The following CFAP46 variants were observed in gnomAD, a reference collection of about 807,000 sequenced individuals.
The protein encoded by CFAP46 is cilia and flagella associated protein 46, also known as cilia- and flagella-associated protein 46.
A neutral mutation model predicts 325.7 loss-of-function variants in CFAP46; 245 were observed. The observed-to-expected ratio is 0.75, with a 90% CI of 0.68 to 0.84. CFAP46 has a LOEUF of 0.84. Among genes scored for constraint, CFAP46 ranks in the 40% least tolerant of loss-of-function variants. CFAP46 has a pLI of 0.00. For missense variants in CFAP46, 3,346 were observed against 3,543.0 expected, an observed-to-expected ratio of 0.94 and a Z score of 1.41; for synonymous variants, 1,523 against 1,495.9, an observed-to-expected ratio of 1.02 and a Z score of -0.42.
chr10:132,847,422 A>G lies in CFAP46; in HGVS notation c.5953-101T>C. On this transcript the variant is annotated intron_variant, in intron 41 of 57. Transcript: ENST00000368586. This position sits in a 1 kb window ranked among gnomAD's most constrained non-coding sequence, Gnocchi z 5.2. Reference sequence around the variant, plus strand: ...GGCCGGGGTGGTCGGGCTCCTCAGCAGGGTCCCCGGGTAGGGGGTACCGCA... The same window carrying G: ...GGCCGGGGTGGTCGGGCTCCTCAGCGGGGTCCCCGGGTAGGGGGTACCGCA... 1 of 1,450,294 alleles carries G rather than the reference A, an allele frequency of 6.9e-7. No homozygotes were observed. Among genetic ancestry groups the G allele is most frequent in the Non-Finnish European group, 9.5e-7 (1 of 1,053,658 alleles). 89.8% of individuals were successfully genotyped at this position (1,450,294 alleles called of 1,614,324 possible).
chr10:132,935,828 T>C (rs1849992376), intron 7 of CFAP46, among the ~76,000 whole-genome samples: 1 of 92,178 alleles, frequency 1.1e-5, no homozygotes, highest in Non-Finnish European at 2.2e-5. Context: ...CTCACTCCCC[T>C]CGGCACCCAA....
In CFAP46 at chr10:132,939,170, T is replaced by C. The variant is rs889051084; in HGVS notation, c.372-417A>G. Among the ~76,000 whole-genome samples, 2 of 152,204 alleles carry C rather than the reference T, an allele frequency of 1.3e-5. No individual in the cohort carries two copies. Among genetic ancestry groups the C allele is most frequent in the African/African-American group, 2.4e-5 (1 of 41,464 alleles). On this transcript the variant is annotated intron_variant, in intron 4 of 57. Coordinates refer to ENST00000368586, the MANE Select transcript of CFAP46 (RefSeq NM_001200049.3). This position sits in a 1 kb window ranked among gnomAD's most constrained non-coding sequence, Gnocchi z 4.6. ...AAGGACAGAGGGAATCAAGGAAGGC[T>C]TCCTGGAGGAGGTTACATGCCTGCT...
In CFAP46 at chr10:132,879,593, C is replaced by A; in HGVS notation, c.3838G>T (p.Val1280Leu). ...VAVEMPPRSP[V>L]SEAEEAVSLE... ...GACACCGCCTCCTCGGCCTCGGACA[C>A]GGGGCTCCGTGGGGGCATCTCCACA... The change falls in exon 29 of 58, where the codon GTG (valine) becomes TTG (leucine). Residue 1280 changes from valine (V) to leucine (L), a missense_variant. Val to Leu is a conservative substitution (Grantham distance 32, BLOSUM62 1). Transcript: ENST00000368586. 6.5e-7 allele frequency: 1 copy of A among 1,545,178 alleles called. No homozygotes were observed. Among genetic ancestry groups the A allele is most frequent in the Non-Finnish European group, 8.7e-7 (1 of 1,145,068 alleles).
At chr10:132,810,324 G>T in intron 57 of CFAP46, 85 bp downstream of exon 57, 2 of 1,137,184 alleles carry the variant, frequency 1.8e-6, no homozygotes, top group Non-Finnish European at 2.7e-6. Context: ...ACCTGTCCCT[G>T]CAGGGCTGTG....
intron 50 of CFAP46, among the ~76,000 whole-genome samples, chr10:132,821,990 C>T (rs370907754): frequency 0.037 from 3,492 of 95,464 alleles, no homozygotes; most frequent in Non-Finnish European, 0.048. Flanking sequence ...GCTGTGTGTG[C>T]GCTTGTGTGT....
At chr10:132,878,491 C>T (rs1480543485) in intron 29 of CFAP46, among the ~76,000 whole-genome samples, 1 of 152,194 alleles carries the variant, frequency 6.6e-6, no homozygotes, top group Non-Finnish European at 1.5e-5. Flanking sequence ...CCTGCGGGCC[C>T]CTCGCGGCCC....
chr10:132,834,874 T>G, intron 47 of CFAP46, 99 bp from the exon 48 acceptor site: 1 of 1,447,210 alleles, frequency 6.9e-7, no homozygotes, highest in Non-Finnish European at 9.2e-7. Flanking sequence ...CTCCTGCCCC[T>G]TCTGCAAACA....
At chr10:132,850,995 C>G (rs1160241602) in intron 40 of CFAP46, 122 bp downstream of exon 40, 1 of 1,178,156 alleles carries the variant, frequency 8.5e-7, no homozygotes, top group East Asian at 2.4e-5. Flanking sequence ...CAAGAGGTCC[C>G]CAGCTGACCC....
At chr10:132,920,349 G>T (rs892543902) in intron 13 of CFAP46, among the ~76,000 whole-genome samples, 167 bp from the exon 14 acceptor site, 2 of 152,222 alleles carry the variant, frequency 1.3e-5, no homozygotes, top group Non-Finnish European at 2.9e-5. Context: ...TCACAGAGCT[G>T]CAGAGTGGCA....
At position 132,919,931 on chromosome 10, in the gene CFAP46, G is replaced by A. The variant is rs1450140823; in HGVS notation, c.1730+128C>T. The A allele has an allele frequency of 3.4e-5, 43 of 1,247,728 alleles. No homozygotes were observed. The highest frequency in any genetic ancestry group is 5.5e-4 in the Middle Eastern group (2 of 3,608). 77.3% of individuals were successfully genotyped at this position (1,247,728 alleles called of 1,614,324 possible). The stretch of plus-strand genomic sequence containing the variant: ...AGGGACCTCGTCCCACCATCCTGGA[G>A]CAGGTGGCCTGGCGAGTCCCCAGAC... On this transcript the variant is annotated intron_variant, in intron 14 of 57. Transcript: ENST00000368586. The surrounding 1 kb of genome is among the most constrained non-coding windows in gnomAD (Gnocchi z 9.7).
At chr10:132,920,291 T>G in intron 13 of CFAP46, 109 bp from the exon 14 acceptor site, 3 of 1,337,038 alleles carry the variant, frequency 2.2e-6, no homozygotes, top group Non-Finnish European at 2.9e-6. Context: ...CACCCACAGG[T>G]AGCGGCTCCA....
At chr10:132,812,762 G>C (rs1174387622) in intron 55 of CFAP46, 23 bp downstream of exon 55, 7 of 1,548,486 alleles carry the variant, frequency 4.5e-6, no homozygotes, top group Non-Finnish European at 6.2e-6. Flanking sequence ...CGGGGGAGGG[G>C]GTGCTGAGAG....
intron 19 of CFAP46, among the ~76,000 whole-genome samples, chr10:132,912,226 CCT>C (rs1219780185): frequency 7.2e-6 from 1 of 138,524 alleles, no homozygotes. Flanking sequence ...TCTCTCTTCT[CCT>C]CTCTCCTGTC....
At chr10:132,942,332 A>T in intron 1 of CFAP46, 104 bp downstream of exon 1, 2 of 1,031,918 alleles carry the variant, frequency 1.9e-6, no homozygotes, top group Non-Finnish European at 2.5e-6. Context: ...GGGATCACCC[A>T]TTGGGCGGGC....
chr10:132,935,727 C>T (rs1591101266), intron 7 of CFAP46, among the ~76,000 whole-genome samples: 1 of 124,652 alleles, frequency 8.0e-6, no homozygotes, highest in Admixed American at 7.6e-5. Flanking sequence ...CCCCTCGGCA[C>T]CCAAACACAC....
At chr10:132,858,917 G>A (rs957077226) in intron 38 of CFAP46, among the ~76,000 whole-genome samples, 154 bp downstream of exon 38, 11 of 152,110 alleles carry the variant, frequency 7.2e-5, no homozygotes, top group Admixed American at 2.6e-4. Context: ...ACGTGTGGGT[G>A]AGGCGGCAGC....
At position 132,876,720 on chromosome 10, in the gene CFAP46, T is replaced by A; in HGVS notation, c.4362+92A>T. 7.5e-7 allele frequency: 1 copy of A among 1,340,846 alleles called. No homozygotes were observed. The highest frequency in any genetic ancestry group is 1.5e-5 in the South Asian group (1 of 65,798). The allele number at this position is 1,340,846 out of a possible 1,614,324, so 83.1% of individuals were successfully genotyped here. A position where few individuals can be genotyped will look rare whatever the true frequency, so the allele number is the denominator to read the frequency against. ...TCTGTCCTGTCCTCCTTTTTCTGGC[T>A]ACAGTTCACAGTGAAAACTGGACTT... On this transcript the variant is annotated intron_variant, in intron 31 of 57. Coordinates refer to ENST00000368586, the MANE Select transcript of CFAP46 (RefSeq NM_001200049.3). This position sits in a 1 kb window ranked among gnomAD's most constrained non-coding sequence, Gnocchi z 4.1.
chr10:132,851,922 A>C (rs200751219), intron 39 of CFAP46, among the ~76,000 whole-genome samples: 2 of 141,322 alleles, frequency 1.4e-5, no homozygotes, highest in East Asian at 2.1e-4. Flanking sequence ...TTTACTTAGG[A>C]ATTCTCAGAT....
intron 43 of CFAP46, among the ~76,000 whole-genome samples, chr10:132,846,643 C>T (rs1307388636): frequency 6.6e-6 from 1 of 151,706 alleles, no homozygotes; most frequent in Non-Finnish European, 1.5e-5. Flanking sequence ...CTGTGTCTGC[C>T]CGATCCTCTG....
Sources: gnomAD v4.1 joint callset for allele counts (sites outside exome capture counted in the v4.1 genomes callset) on GRCh38, gnomAD v4.1.1 for gene constraint, Gnocchi (gnomAD v3.1) non-coding constraint, MANE v1.5 for transcripts, NCBI Gene and HGNC (gene_info 2026-07-23, HGNC 2026-07-21) for gene names.